The following RBM26 variants were observed in gnomAD, a reference collection of about 807,000 sequenced individuals.
The protein encoded by RBM26 is RNA-binding protein 26.
RBM26 carries 30 observed loss-of-function variants against 123.6 expected under a neutral mutation model. The observed-to-expected ratio is 0.24, with a 90% CI of 0.18 to 0.33. The LOEUF (loss-of-function observed/expected upper bound fraction) is 0.33, where lower values mean the gene tolerates loss of function less well. Ranked by LOEUF, RBM26 falls within the 10% of genes least tolerant of loss-of-function variation. RBM26 has a pLI of 1.00. For synonymous variants in RBM26, 400 were observed against 404.4 expected, an observed-to-expected ratio of 0.99 and a Z score of 0.13; for missense variants, 947 against 1,203.6, an observed-to-expected ratio of 0.79 and a Z score of 3.15.
At chr13:79,314,453 A>G (rs1047251177), downstream of RBM26, 5 of 151,806 alleles carry the variant, frequency 3.3e-5, no homozygotes, top group Non-Finnish European at 5.9e-5. Flanking sequence ...TTCAGAAGAA[A>G]TGCACAAGCT....
chr13:79,383,656 G>A (rs190859064), intron 1 of RBM26, among the ~76,000 whole-genome samples: 5 of 151,106 alleles, frequency 3.3e-5, no homozygotes, highest in Admixed American at 1.3e-4. Context: ...CTGTTGCCAC[G>A]GAATTTACAT....
chr13:79,378,210 A>T (rs2076805353), intron 2 of RBM26, among the ~76,000 whole-genome samples: 1 of 152,224 alleles, frequency 6.6e-6, no homozygotes, highest in African/African-American at 2.4e-5. Flanking sequence ...CAGTTTCCTA[A>T]GCAGTACTGG....
At chr13:79,315,014 TA>T (rs2067019319), downstream of RBM26, 11 of 1,286,158 alleles carry the variant, frequency 8.6e-6, no homozygotes, top group South Asian at 2.5e-5. Flanking sequence ...AGAAGACTAT[TA>T]AAAAAAACTT....
intron 9 of RBM26, among the ~76,000 whole-genome samples, chr13:79,360,479 C>A (rs934702433): frequency 1.3e-5 from 2 of 150,282 alleles, no homozygotes; most frequent in Admixed American, 1.3e-4. Context: ...TCTACCATCA[C>A]CCTCACCACA....
chr13:79,380,186 T>C (rs1286758822), intron 1 of RBM26, among the ~76,000 whole-genome samples: 1 of 152,178 alleles, frequency 6.6e-6, no homozygotes, highest in Non-Finnish European at 1.5e-5. Context: ...ATCAAAAATG[T>C]GCACATGTCC....
intron 14 of RBM26, among the ~76,000 whole-genome samples, chr13:79,345,422 T>C (rs1594144572): frequency 1.3e-5 from 2 of 152,238 alleles, no homozygotes; most frequent in African/African-American, 4.8e-5. Context: ...TGCTATTAGC[T>C]ATTTTTAGTT....
intron 1 of RBM26, among the ~76,000 whole-genome samples, chr13:79,382,613 A>C (rs774278366): frequency 4.6e-5 from 7 of 152,138 alleles, no homozygotes; most frequent in Non-Finnish European, 1.0e-4. Context: ...AAGGCATGAG[A>C]TCTAACTCAA....
At chr13:79,360,753 G>C (rs148190067) in intron 9 of RBM26, among the ~76,000 whole-genome samples, 17 of 152,220 alleles carry the variant, frequency 1.1e-4, no homozygotes, top group East Asian at 7.7e-4. Context: ...TAAAAGAGCT[G>C]TAAAAGTCTG....
intron 14 of RBM26, among the ~76,000 whole-genome samples, chr13:79,346,669 C>T (rs1358197800): frequency 2.0e-5 from 3 of 152,318 alleles, no homozygotes; most frequent in Admixed American, 6.5e-5. Context: ...AGCCACCATA[C>T]TCGACCAATT....
At chr13:79,404,630 T>C (rs1032261850) in intron 1 of RBM26, among the ~76,000 whole-genome samples, 1 of 152,180 alleles carries the variant, frequency 6.6e-6, no homozygotes, top group Non-Finnish European at 1.5e-5. Flanking sequence ...TCACTTCTGC[T>C]ACAGGGCCTT....
intron 6 of RBM26, among the ~76,000 whole-genome samples, chr13:79,368,447 A>G (rs2075562346): frequency 6.6e-6 from 1 of 152,248 alleles, no homozygotes; most frequent in Non-Finnish European, 1.5e-5. Context: ...ATAATGTTTC[A>G]GTAGCAGATT....
At chr13:79,331,362 T>G (rs543820803) in intron 20 of RBM26, among the ~76,000 whole-genome samples, 2 of 151,556 alleles carry the variant, frequency 1.3e-5, no homozygotes, top group South Asian at 4.2e-4. Context: ...GGCTCATGCC[T>G]GTAACCCCAG....
intron 1 of RBM26, among the ~76,000 whole-genome samples, chr13:79,397,679 T>TTA (rs2078698625): frequency 2.8e-4 from 2 of 7,136 alleles, no homozygotes; most frequent in African/African-American, 1.6e-3. Flanking sequence ...AGACTCCATC[T>TTA]CAAAAAAAAA....
In RBM26 at chr13:79,320,610, G is replaced by A; in HGVS notation, c.*11C>T. The A allele has an allele frequency of 1.3e-6, 2 of 1,582,114 alleles. No homozygotes were observed. The highest frequency in any genetic ancestry group is 1.7e-6 in the Non-Finnish European group (2 of 1,167,032). On this transcript the variant is annotated 3_prime_UTR_variant, in exon 22 of 22. Coordinates refer to ENST00000438737, the MANE Select transcript of RBM26 (RefSeq NM_001366735.2). ...AGAGTTCTAGCATATGCAGATCAAT[G>A]ATCAGTCAAATCATCTTCTCCAAGA...
At chr13:79,354,029 A>G (rs1566417355) in intron 13 of RBM26, among the ~76,000 whole-genome samples, 1 of 152,198 alleles carries the variant, frequency 6.6e-6, no homozygotes, top group Admixed American at 6.5e-5. Context: ...TTCCCTTACC[A>G]TAAGCTTTTA....
intron 17 of RBM26, 23 bp downstream of exon 17, chr13:79,342,641 T>C (rs751071707): frequency 1.4e-6 from 2 of 1,448,206 alleles, no homozygotes; most frequent in Non-Finnish European, 1.8e-6. Context: ...AGTAATAATA[T>C]GAACAACAAT....
chr13:79,334,639 C>T (rs1204881469), intron 19 of RBM26, among the ~76,000 whole-genome samples: 4 of 152,038 alleles, frequency 2.6e-5, no homozygotes, highest in Non-Finnish European at 4.4e-5. Flanking sequence ...ACATACAATT[C>T]ACACTTCCCA....
intron 1 of RBM26, among the ~76,000 whole-genome samples, chr13:79,383,665 A>G (rs2077244759): frequency 6.8e-6 from 1 of 146,406 alleles, no homozygotes; most frequent in African/African-American, 2.5e-5. Context: ...CGGAATTTAC[A>G]TTGGGGGGTG....
At chr13:79,346,565 G>T (rs2072371907) in intron 14 of RBM26, among the ~76,000 whole-genome samples, 1 of 151,966 alleles carries the variant, frequency 6.6e-6, no homozygotes, top group East Asian at 1.9e-4. Flanking sequence ...GTAGAGACAG[G>T]GTTTCTCGCC....
Sources: allele counts gnomAD v4.1 joint callset (sites outside exome capture counted in the v4.1 genomes callset), GRCh38; gene constraint gnomAD v4.1.1; transcripts MANE v1.5; gene names NCBI Gene and HGNC (gene_info 2026-07-23, HGNC 2026-07-21).